Variants in DOCK4 observed in about 807,000 individuals in gnomAD.
DOCK4 encodes dedicator of cytokinesis 4, also known as dedicator of cytokinesis protein 4.
In DOCK4, 97 loss-of-function variants were observed where a neutral mutation model predicts 268.1. The ratio of observed to expected loss-of-function variants is 0.36; its 90% CI spans 0.31 to 0.43. The LOEUF (loss-of-function observed/expected upper bound fraction) is 0.43. DOCK4 is among the 20% of genes least tolerant of loss of function. DOCK4 has a pLI of 1.00. For synonymous variants in DOCK4, 954 were observed against 887.2 expected (o/e 1.08, Z -1.34); for missense variants, 2,145 against 2,455.7 (o/e 0.87, Z 2.67).
chr7:111,931,015 G>C, intron 12 of DOCK4, among the ~76,000 whole-genome samples: 1 of 152,322 alleles, frequency 6.6e-6, no homozygotes, highest in South Asian at 2.1e-4. Flanking sequence ...AGAGAGGCTA[G>C]AAAGGATCAG....
chr7:111,970,742 G>A (rs1797644836), intron 8 of DOCK4, among the ~76,000 whole-genome samples: 1 of 152,174 alleles, frequency 6.6e-6, no homozygotes, highest in Non-Finnish European at 1.5e-5. Context: ...TGTGCCTTCA[G>A]GAGACGCTGG....
chr7:111,746,421 G>A lies in DOCK4; in HGVS notation c.4594-4C>T, dbSNP rs372272879. ...TATATTCTTTGACAAAGAATGCCTA[G>A]TAAGGGAAAGGAGAATCAGTCTACT... On this transcript the variant is annotated splice_region_variant and splice_polypyrimidine_tract_variant and intron_variant, in intron 43 of 52. Coordinates refer to ENST00000428084, the MANE Select transcript of DOCK4 (RefSeq NM_001363540.2). The A allele has an allele frequency of 1.0e-5, 16 of 1,601,124 alleles. No homozygotes were observed. The African/African-American group carries it at 1.8e-4, about 18-fold the overall frequency.
chr7:112,169,085 A>G (rs10953703), intron 1 of DOCK4, among the ~76,000 whole-genome samples: 132,960 of 152,200 alleles, frequency 0.87, 58,191 homozygotes, highest in South Asian at 0.92. Context: ...TTGCCCCTTT[A>G]GTGCTGTTCT....
chr7:112,181,364 G>A (rs993101742), intron 1 of DOCK4, among the ~76,000 whole-genome samples: 1 of 152,116 alleles, frequency 6.6e-6, no homozygotes, highest in African/African-American at 2.4e-5. Flanking sequence ...GGAATAGCAT[G>A]ATACTGGGGC....
intron 1 of DOCK4, among the ~76,000 whole-genome samples, chr7:112,011,624 C>A (rs1801318850): frequency 6.6e-6 from 1 of 151,174 alleles, no homozygotes; most frequent in Admixed American, 6.6e-5. Context: ...AAGACATTGT[C>A]ACGGTGGCAA....
At position 112,023,415 on chromosome 7, in the gene DOCK4, T is replaced by A. The variant is rs765924905; in HGVS notation, c.38-19284A>T. ...GATTTGGTGTTTACTCCTATTCAAG[T>A]TGTAAAGAGCATCCAAGGCAGCCAG... On this transcript the variant is annotated intron_variant, in intron 1 of 52. Transcript: ENST00000428084. 242 of 284,636 alleles carry A rather than the reference T, an allele frequency of 8.5e-4. 2 individuals are homozygous for A. The highest frequency in any genetic ancestry group is 1.6e-3 in the Non-Finnish European group (223 of 142,282). 17.6% of individuals were successfully genotyped at this position (284,636 alleles called of 1,614,324 possible).
chr7:112,174,294 A>G (rs1269775503), intron 1 of DOCK4, among the ~76,000 whole-genome samples: 1 of 152,020 alleles, frequency 6.6e-6, no homozygotes, highest in Non-Finnish European at 1.5e-5. Flanking sequence ...TCCTCAAAAC[A>G]CACTCTGCCT....
intron 1 of DOCK4, among the ~76,000 whole-genome samples, chr7:112,015,445 G>C (rs1466898496): frequency 6.6e-6 from 1 of 152,114 alleles, no homozygotes. Flanking sequence ...TGTCTATGGA[G>C]TAGCCATTCT....
At chr7:111,813,254 C>T (rs141513704) in intron 27 of DOCK4, among the ~76,000 whole-genome samples, 1 of 152,144 alleles carries the variant, frequency 6.6e-6, no homozygotes, top group East Asian at 1.9e-4. Flanking sequence ...ATTTATGTCA[C>T]CCTAGGTAAA....
At chr7:112,127,930 G>A (rs900443324) in intron 1 of DOCK4, among the ~76,000 whole-genome samples, 18 of 152,330 alleles carry the variant, frequency 1.2e-4, no homozygotes, top group Admixed American at 1.2e-3. Flanking sequence ...TCAAGAGGCT[G>A]AGGCAGGAGA....
chr7:111,834,614 T>C lies in DOCK4; in HGVS notation c.2809A>G (p.Ser937Gly). The change falls in exon 26 of 53, where the codon AGT becomes GGT. Residue 937 changes from serine to glycine, a missense_variant. Physicochemically the swap from Ser to Gly is moderately conservative, Grantham distance 56. Coordinates refer to ENST00000428084, the MANE Select transcript of DOCK4 (RefSeq NM_001363540.2). ...TDRHYQQLLD[S>G]FNTKEELRDF... ...CTTAGTTCTTCCTTTGTATTAAAAC[T>C]ATCAAGAAGCTGTTGATAATGTCTA... 5 of 1,554,748 alleles carry C rather than the reference T, an allele frequency of 3.2e-6. No individual in the cohort carries two copies. Among genetic ancestry groups the C allele is most frequent in the Non-Finnish European group, 4.4e-6 (5 of 1,148,772 alleles).
chr7:111,889,369 G>A (rs942217401), intron 16 of DOCK4, among the ~76,000 whole-genome samples: 2 of 152,038 alleles, frequency 1.3e-5, no homozygotes, highest in Non-Finnish European at 2.9e-5. Flanking sequence ...AAGAGTTGGG[G>A]GAGCATATGG....
At chr7:112,083,783 C>T (rs1300708903) in intron 1 of DOCK4, among the ~76,000 whole-genome samples, 1 of 152,090 alleles carries the variant, frequency 6.6e-6, no homozygotes, top group Non-Finnish European at 1.5e-5. Flanking sequence ...AGTATGGAAC[C>T]TTGTTAGAGG....
At chr7:111,844,640 T>C (rs1419094621) in intron 25 of DOCK4, 123 bp downstream of exon 25, 5 of 1,277,186 alleles carry the variant, frequency 3.9e-6, no homozygotes, top group Middle Eastern at 2.9e-4. Flanking sequence ...TCATATGATT[T>C]TGAAATGCTG....
At chr7:111,794,726 C>T (rs1799773574) in intron 30 of DOCK4, among the ~76,000 whole-genome samples, 1 of 152,166 alleles carries the variant, frequency 6.6e-6, no homozygotes, top group African/African-American at 2.4e-5. Flanking sequence ...AACTATCAAC[C>T]TCCCACTTAC....
At position 111,769,743 on chromosome 7, in the gene DOCK4, C is replaced by T. The variant is rs1563479597; in HGVS notation, c.3680-66G>A. On this transcript the variant is annotated intron_variant, in intron 36 of 52. Transcript: ENST00000428084. ...CAAGCCACATTCCCTCAAATGTGGCCAGTTTCCGACAAACTGGGGAAAAAA... is the reference window on the plus strand; with the variant it reads ...CAAGCCACATTCCCTCAAATGTGGCTAGTTTCCGACAAACTGGGGAAAAAA... The T allele has an allele frequency of 1.4e-5, 22 of 1,528,086 alleles. No individual in the cohort carries two copies. In the East Asian group the frequency reaches 2.5e-4, roughly 18 times the overall value. The allele number at this position is 1,528,086 out of a possible 1,614,324, so 94.7% of individuals were successfully genotyped here.
At chr7:111,918,544 G>A (rs574839095) in intron 12 of DOCK4, among the ~76,000 whole-genome samples, 4 of 152,246 alleles carry the variant, frequency 2.6e-5, no homozygotes, top group East Asian at 1.9e-4. Flanking sequence ...ACCTGGAGGC[G>A]GAAGAATGAA....
intron 1 of DOCK4, among the ~76,000 whole-genome samples, chr7:112,120,959 A>G (rs1008659188): frequency 1.6e-4 from 24 of 152,160 alleles, no homozygotes; most frequent in South Asian, 2.1e-4. Flanking sequence ...TAAATTTTTC[A>G]TTCTTTGAGA....
chr7:111,771,717 C>T (rs1363458307), intron 36 of DOCK4, among the ~76,000 whole-genome samples: 2 of 152,154 alleles, frequency 1.3e-5, no homozygotes, highest in Admixed American at 6.5e-5. Flanking sequence ...AAACCCTACG[C>T]ATATTTTTGT....
Sources: gnomAD v4.1 joint callset for allele counts (sites outside exome capture counted in the v4.1 genomes callset) on GRCh38, gnomAD v4.1.1 for gene constraint, MANE v1.5 for transcripts, NCBI Gene and HGNC (gene_info 2026-07-23, HGNC 2026-07-21) for gene names.